The following LPIN2 variants were observed in gnomAD, a reference collection of about 807,000 sequenced individuals.
The protein encoded by LPIN2 is lipin 2.
Under a neutral mutation model 111.4 loss-of-function variants are expected in LPIN2, and 55 were observed. The observed-to-expected ratio is 0.49, with a 90% CI of 0.40 to 0.62. The LOEUF is 0.62. Ranked by LOEUF, LPIN2 falls within the 20% of genes least tolerant of loss-of-function variation. LPIN2 has a pLI of 0.00. For synonymous variants in LPIN2, 425 were observed against 414.0 expected, an observed-to-expected ratio of 1.03 and a Z score of -0.32; for missense variants, 992 against 1,112.1, an observed-to-expected ratio of 0.89 and a Z score of 1.54.
At chr18:2,971,610 T>C (rs1909001156) in intron 1 of LPIN2, among the ~76,000 whole-genome samples, 1 of 152,118 alleles carries the variant, frequency 6.6e-6, no homozygotes, top group Admixed American at 6.5e-5. Flanking sequence ...GACCAATGAA[T>C]AAATGAATGA....
rs113064298 is a variant in LPIN2 at position 2,946,450 on chromosome 18, G to A, written c.590+4605C>T. ...TTAATGCATCGTGAAAGACTGGAAC[G>A]CCTGGGTGATATGTGCAAGCATCGT... is the stretch of plus-strand genomic sequence containing the variant. On this transcript the variant is annotated intron_variant, in intron 4 of 19. Coordinates refer to ENST00000677752, the MANE Select transcript of LPIN2 (RefSeq NM_001375808.2). The A allele has an allele frequency of 7.4e-4, 1,060 of 1,434,796 alleles. 10 individuals carry two copies. The African/African-American group carries it at 0.013, about 18-fold the overall frequency. The allele number at this position is 1,434,796 out of a possible 1,614,324, so 88.9% of individuals were successfully genotyped here.
In LPIN2 at chr18:2,996,033, CT is replaced by C. The variant is rs200696410; in HGVS notation, c.-10+17053del. 7.1e-3 allele frequency among the ~76,000 whole-genome samples: 1,083 copies of C among 152,184 alleles called. 12 individuals carry two copies. Among genetic ancestry groups the C allele is most frequent in the Non-Finnish European group, 0.012 (800 of 68,002 alleles). On this transcript the variant is annotated intron_variant, in intron 1 of 19. Coordinates refer to ENST00000677752, the MANE Select transcript of LPIN2 (RefSeq NM_001375808.2). ...AGAGGTAATTAGCTCTATGGACAAACTTAAGACTTATTAATAAAATGTTACG... is the reference window on the plus strand; with the variant it reads ...AGAGGTAATTAGCTCTATGGACAAACTAAGACTTATTAATAAAATGTTACG...
rs570003581 is a variant in LPIN2, at chr18:2,920,368, A to G, written c.2616T>C (p.Phe872=). 4 of 1,614,132 alleles carry G rather than the reference A, an allele frequency of 2.5e-6. No homozygotes were observed. Among genetic ancestry groups the G allele is most frequent in the East Asian group, 4.5e-5 (2 of 44,890 alleles). ...AGAAGGAGCTGAACTCCGGGCAGGG[A>G]AAAGCGGAATTCTGCTCCTTACTGA... ...PLLSKEQNSA[F]PCPEFSSFCY... is the part of the protein sequence containing the mutation. Residue 872 remains phenylalanine (F), a synonymous_variant, in exon 20 of 20, where the codon TTT becomes TTC. Transcript: ENST00000677752.
Position 2,937,903 on chromosome 18 carries a change from G to A in LPIN2, c.957C>T (p.Asp319=). 7 of 1,614,166 alleles carry A rather than the reference G, an allele frequency of 4.3e-6. No individual in the cohort carries two copies. Among genetic ancestry groups the A allele is most frequent in the Non-Finnish European group, 5.9e-6 (7 of 1,180,048 alleles). Residue 319 remains aspartate (D), a synonymous_variant, in exon 7 of 20, where the codon GAC becomes GAT. Transcript: ENST00000677752. ...TGGGCTTCACTATGGTACAGACAGT[G>A]TCTTCCATGGAAGCATCCTTCTCAA... ...SEVEKDASME[D]TVCTIVKPKP...
chr18:2,945,138 GATTAAAATTGGACATTTC>G (rs1170910209), intron 4 of LPIN2, among the ~76,000 whole-genome samples: 2 of 152,040 alleles, frequency 1.3e-5, no homozygotes, highest in Non-Finnish European at 2.9e-5. Context: ...GAAAAAAACT[GATTAAAATTGGACATTTC>G]ATTAAAATTG....
intron 1 of LPIN2, among the ~76,000 whole-genome samples, chr18:3,001,790 A>G (rs2078439355): frequency 6.6e-6 from 1 of 152,200 alleles, no homozygotes; most frequent in African/African-American, 2.4e-5. Context: ...TAAATTACAT[A>G]TAAAAATAAA....
In LPIN2 at chr18:2,920,890, G is replaced by A. The variant is rs191749331; in HGVS notation, c.2443-9C>T. The stretch of plus-strand genomic sequence containing the variant: ...GTGTAGGCATAGACATCCTGCAGAA[G>A]AAAATAGCAAGCGGGTGATTCCAGG... On this transcript the variant is annotated splice_polypyrimidine_tract_variant and intron_variant, in intron 18 of 19. Coordinates refer to ENST00000677752, the MANE Select transcript of LPIN2 (RefSeq NM_001375808.2). 8.0e-4 allele frequency: 1,264 copies of A among 1,587,842 alleles called. 1 individual carries two copies. The highest frequency in any genetic ancestry group is 1.0e-3 in the Non-Finnish European group (1,170 of 1,156,104).
intron 1 of LPIN2, among the ~76,000 whole-genome samples, chr18:2,968,453 G>A (rs1186761376): frequency 6.6e-6 from 1 of 152,046 alleles, no homozygotes; most frequent in Non-Finnish European, 1.5e-5. Flanking sequence ...ACAAAATTCT[G>A]CCCTCATCCT....
Position 2,920,405 on chromosome 18 carries a change from A to G in LPIN2, c.2579T>C (p.Val860Ala). The G allele has an allele frequency of 2.5e-6, 4 of 1,613,906 alleles. No homozygotes were observed. The highest frequency in any genetic ancestry group is 1.1e-5 in the South Asian group (1 of 91,092). ...CTGCTCCTTACTGAGAAGGGGGAACACATGCTCCACGAGCTCACTCAGCCT... is the reference window on the plus strand; with the variant it reads ...CTGCTCCTTACTGAGAAGGGGGAACGCATGCTCCACGAGCTCACTCAGCCT... Reference protein sequence around the residue: ...YHRLSELVEHVFPLLSKEQNS... With the variant: ...YHRLSELVEHAFPLLSKEQNS... The change falls in exon 20 of 20, where the codon GTG (valine) becomes GCG (alanine). Residue 860 changes from valine (V) to alanine (A), a missense_variant. By Grantham distance (64) the Val-to-Ala change is moderately conservative. Transcript: ENST00000677752.
At chr18:2,928,514 T>C (rs926530012) in intron 11 of LPIN2, 77 bp downstream of exon 11, 6 of 1,357,148 alleles carry the variant, frequency 4.4e-6, no homozygotes, top group East Asian at 4.6e-5. Flanking sequence ...AGTTCAGAAA[T>C]ATGCACATAT....
chr18:2,959,476 T>C (rs1000220705), intron 2 of LPIN2, among the ~76,000 whole-genome samples: 2 of 152,142 alleles, frequency 1.3e-5, no homozygotes, highest in Non-Finnish European at 1.5e-5. Context: ...TGCCAGAAAA[T>C]GGTGAGGCTC....
chr18:2,937,620 G>T, intron 7 of LPIN2, 72 bp downstream of exon 7: 1 of 1,210,556 alleles, frequency 8.3e-7, no homozygotes, highest in Middle Eastern at 2.0e-4. Context: ...CAGCCATCAC[G>T]TTATGTGGAA....
In LPIN2 at chr18:2,929,183, T is replaced by C. The variant is rs767193597; in HGVS notation, c.1457-25A>G. On this transcript the variant is annotated intron_variant, in intron 9 of 19. Transcript: ENST00000677752. Reference sequence around the variant, plus strand: ...TCTGCAATGTAAAATAATAATCAATTTGGTTAGAGATTACATAAATCCCTA... The same window carrying C: ...TCTGCAATGTAAAATAATAATCAATCTGGTTAGAGATTACATAAATCCCTA... The C allele has an allele frequency of 8.6e-6, 12 of 1,394,660 alleles. No homozygotes were observed. The Admixed American group carries it at 1.8e-4, about 21-fold the overall frequency. The allele number at this position is 1,394,660 out of a possible 1,614,324, so 86.4% of individuals were successfully genotyped here. A position where few individuals can be genotyped will look rare whatever the true frequency, so the allele number is the denominator to read the frequency against.
At position 3,005,706 on chromosome 18, in the gene LPIN2, C is replaced by CACACACACAG. The variant is rs2078504906; in HGVS notation, c.-10+7380_-10+7381insCTGTGTGTGT. On this transcript the variant is annotated intron_variant, in intron 1 of 19. Coordinates refer to ENST00000677752, the MANE Select transcript of LPIN2 (RefSeq NM_001375808.2). Reference sequence around the variant, plus strand: ...ACACACACACACACACACACACACACAGCTTATCCAGTTCTACCTAATAAA... The same window carrying CACACACACAG: ...ACACACACACACACACACACACACACACACACACAGAGCTTATCCAGTTCTACCTAATAAA... Among the ~76,000 whole-genome samples the CACACACACAG allele has an allele frequency of 5.6e-5, 8 of 142,010 alleles. 1 individual carries two copies. In the South Asian group the frequency reaches 1.8e-3, roughly 31 times the overall value. The allele number at this position is 142,010 out of a possible 152,430, so 93.2% of individuals were successfully genotyped here. A position where few individuals can be genotyped will look rare whatever the true frequency, so the allele number is the denominator to read the frequency against.
intron 12 of LPIN2, among the ~76,000 whole-genome samples, chr18:2,927,115 A>T (rs2077144721): frequency 6.6e-6 from 1 of 152,164 alleles, no homozygotes; most frequent in Non-Finnish European, 1.5e-5. Flanking sequence ...TCCTCCTGGG[A>T]GTAACTCACC....
intron 4 of LPIN2, chr18:2,946,835 T>A (rs641287): frequency 0.62 from 229,800 of 372,244 alleles, 75,117 homozygotes; most frequent in Non-Finnish European, 0.71. Flanking sequence ...ACAGTACGAG[T>A]CAACGAATTT....
intron 2 of LPIN2, 162 bp downstream of exon 2, chr18:2,960,487 G>GT (rs2077695713): frequency 1.4e-6 from 1 of 699,232 alleles, no homozygotes; most frequent in South Asian, 1.7e-5. Flanking sequence ...TTGACTTCTC[G>GT]TAACATTGTC....
At chr18:2,960,886 A>G in intron 1 of LPIN2, 37 bp from the exon 2 acceptor site, 3 of 1,530,288 alleles carry the variant, frequency 2.0e-6, no homozygotes, top group South Asian at 1.1e-5. Flanking sequence ...TGTTAACACT[A>G]AATTTGTGAT....
chr18:2,924,821 A>G (rs200296875), intron 14 of LPIN2, among the ~76,000 whole-genome samples: 2 of 152,248 alleles, frequency 1.3e-5, no homozygotes, highest in East Asian at 3.8e-4. Flanking sequence ...TGCTTTAGCC[A>G]CAGCCTGCTC....
Sources: gnomAD v4.1 joint callset for allele counts (sites outside exome capture counted in the v4.1 genomes callset) on GRCh38, gnomAD v4.1.1 for gene constraint, MANE v1.5 for transcripts, NCBI Gene and HGNC (gene_info 2026-07-23, HGNC 2026-07-21) for gene names.